Variants in CCDC171 observed in about 807,000 individuals in gnomAD.
The protein encoded by CCDC171 is coiled-coil domain-containing protein 171.
Under a neutral mutation model 168.2 loss-of-function variants are expected in CCDC171, and 177 were observed. The observed-to-expected ratio is 1.05, with a 90% CI of 0.93 to 1.19. The LOEUF (loss-of-function observed/expected upper bound fraction) is 1.19, where lower values mean the gene tolerates loss of function less well. CCDC171 is among the 50% of genes most tolerant of loss of function. The probability of loss-of-function intolerance (pLI) is 0.00; values close to 1 mark genes in which losing one functional copy is unlikely to be tolerated. For missense variants in CCDC171, 1,991 were observed against 1,539.0 expected, an observed-to-expected ratio of 1.29 and a Z score of -4.91; for synonymous variants, 687 against 540.8, an observed-to-expected ratio of 1.27 and a Z score of -3.75.
At chr9:15,717,896 C>G (rs1319092347) in intron 11 of CCDC171, among the ~76,000 whole-genome samples, 1 of 152,178 alleles carries the variant, frequency 6.6e-6, no homozygotes, top group Non-Finnish European at 1.5e-5. Flanking sequence ...AAGTGTGGCC[C>G]AGAACATTCA....
intron 3 of CCDC171, among the ~76,000 whole-genome samples, chr9:16,001,213 G>T (rs547086293): frequency 6.6e-6 from 1 of 152,126 alleles, no homozygotes; most frequent in Non-Finnish European, 1.5e-5. Context: ...ATGCTGCCCA[G>T]TTTCTCAAAG....
At chr9:15,800,106 A>G (rs1020588219) in intron 21 of CCDC171, among the ~76,000 whole-genome samples, 3 of 152,110 alleles carry the variant, frequency 2.0e-5, no homozygotes, top group Admixed American at 6.5e-5. Context: ...CAATATACCA[A>G]TTTCCCTTCT....
intron 3 of CCDC171, among the ~76,000 whole-genome samples, chr9:15,991,122 C>A (rs1319113599): frequency 6.6e-6 from 1 of 152,184 alleles, no homozygotes; most frequent in African/African-American, 2.4e-5. Context: ...ACAGAATATA[C>A]ATTCTTCTCA....
intron 4 of CCDC171, among the ~76,000 whole-genome samples, chr9:15,586,623 G>C (rs2041583502): frequency 2.6e-5 from 4 of 152,104 alleles, no homozygotes; most frequent in African/African-American, 9.7e-5. Context: ...GAGGCAGATA[G>C]GTCCTTAGAT....
intron 18 of CCDC171, among the ~76,000 whole-genome samples, chr9:15,756,120 C>T (rs2056097569): frequency 6.6e-6 from 1 of 152,042 alleles, no homozygotes; most frequent in African/African-American, 2.4e-5. Context: ...GGCTGGCTAG[C>T]TAGAAGGTGG....
chr9:16,015,355 T>C (rs1455957359), intron 3 of CCDC171, among the ~76,000 whole-genome samples: 9 of 152,222 alleles, frequency 5.9e-5, no homozygotes, highest in Non-Finnish European at 1.3e-4. Flanking sequence ...TTGCTCTGGA[T>C]TAGCCTTTGG....
intron 3 of CCDC171, among the ~76,000 whole-genome samples, chr9:16,003,002 C>T (rs955512060): frequency 9.2e-5 from 14 of 152,172 alleles, no homozygotes; most frequent in African/African-American, 3.1e-4. Flanking sequence ...ATGATGACAT[C>T]GCCTCACAAT....
chr9:15,724,901 G>C lies in CCDC171; in HGVS notation c.1617G>C (p.Glu539Asp). 1 of 1,613,980 alleles carries C rather than the reference G, an allele frequency of 6.2e-7. No homozygotes were observed. The change falls in exon 14 of 26, where the codon GAG (glutamate) becomes GAC (aspartate). Residue 539 changes from glutamate (E) to aspartate (D), a missense_variant. Transcript: ENST00000380701. ...VELQNVLHCW[E>D]KEKAQAAQSE... is the part of the protein sequence containing the mutation. ...TACAAAATGTGCTGCACTGTTGGGA[G>C]AAAGAAAAGGCTCAGGCAGCCCAGT...
At chr9:15,827,627 T>C (rs1211747997) in intron 21 of CCDC171, among the ~76,000 whole-genome samples, 1 of 152,218 alleles carries the variant, frequency 6.6e-6, no homozygotes, top group African/African-American at 2.4e-5. Flanking sequence ...TCTTTCCTTA[T>C]AATTATTAAA....
chr9:15,737,869 G>A (rs1399357903), intron 16 of CCDC171, among the ~76,000 whole-genome samples: 1 of 152,114 alleles, frequency 6.6e-6, no homozygotes, highest in African/African-American at 2.4e-5. Flanking sequence ...CTGCCAAACT[G>A]TTTTTGAAAA....
intron 8 of CCDC171, among the ~76,000 whole-genome samples, chr9:15,665,364 A>G (rs577799311): frequency 4.6e-5 from 7 of 152,168 alleles, no homozygotes; most frequent in African/African-American, 1.4e-4. Context: ...TTTGACAATA[A>G]GAAGATCACT....
chr9:15,711,729 G>A (rs926395377), intron 11 of CCDC171, among the ~76,000 whole-genome samples: 1 of 152,208 alleles, frequency 6.6e-6, no homozygotes, highest in Non-Finnish European at 1.5e-5. Context: ...AAGTCGAGGA[G>A]CATATTGAAT....
intron 23 of CCDC171, among the ~76,000 whole-genome samples, chr9:15,873,097 C>T (rs971582956): frequency 1.1e-4 from 16 of 151,970 alleles, no homozygotes; most frequent in African/African-American, 3.4e-4. Context: ...TTGACATTCT[C>T]TTATTGACAG....
chr9:15,621,221 C>G (rs2044477197), intron 6 of CCDC171, among the ~76,000 whole-genome samples: 1 of 152,198 alleles, frequency 6.6e-6, no homozygotes, highest in Non-Finnish European at 1.5e-5. Flanking sequence ...TCTGCCTTGG[C>G]CTCCCAAAGT....
At chr9:16,067,233 T>C in the CCDC171 span, among the ~76,000 whole-genome samples, 32 of 152,166 alleles carry the variant, frequency 2.1e-4, no homozygotes, top group African/African-American at 7.2e-4. Context: ...CATTTTTTCA[T>C]GTGTTTTTTG....
chr9:15,716,871 GT>G (rs1312086376), intron 11 of CCDC171, among the ~76,000 whole-genome samples: 1 of 152,182 alleles, frequency 6.6e-6, no homozygotes, highest in Non-Finnish European at 1.5e-5. Context: ...TGGGGATTAA[GT>G]TTCCAACACG....
In CCDC171 at chr9:15,995,433, C is replaced by G. The variant is rs541081382; in HGVS notation, n.369-25156C>G. 3.9e-5 allele frequency among the ~76,000 whole-genome samples: 6 copies of G among 152,350 alleles called. No individual in the cohort carries two copies. In the South Asian group the frequency reaches 1.2e-3, roughly 32 times the overall value. On this transcript the variant is annotated intron_variant and non_coding_transcript_variant, in intron 3 of 9. Coordinates refer to the CCDC171 transcript ENST00000486641. ...TAATAATGGACTGGTGAGAAATTCA[C>G]TCCTTGAAAACAGCAAGGACACAAG...
the CCDC171 span, among the ~76,000 whole-genome samples, chr9:16,090,908 T>C: frequency 6.6e-6 from 1 of 152,242 alleles, no homozygotes; most frequent in African/African-American, 2.4e-5. Flanking sequence ...GAAGTAATTC[T>C]CGAAAGTTGA....
At position 15,974,028 on chromosome 9, in the gene CCDC171, T is replaced by C. The variant is rs1589288303; in HGVS notation, c.*2192T>C. On this transcript the variant is annotated 3_prime_UTR_variant, in exon 26 of 26. Coordinates refer to ENST00000380701, the MANE Select transcript of CCDC171 (RefSeq NM_173550.4). ...ATAACTCCAAAAATAAATGTGTATG[T>C]GTCTCCATATATATGGGTATCTAAC... 2 of 152,150 alleles carry C rather than the reference T, an allele frequency of 1.3e-5. No individual in the cohort carries two copies. The highest frequency in any genetic ancestry group is 4.1e-4 in the South Asian group (2 of 4,832). The allele number at this position is 152,150 out of a possible 1,614,324, so 9.4% of individuals were successfully genotyped here.
Sources: gnomAD v4.1 joint callset for allele counts (sites outside exome capture counted in the v4.1 genomes callset) on GRCh38, gnomAD v4.1.1 for gene constraint, MANE v1.5 for transcripts, NCBI Gene and HGNC (gene_info 2026-07-23, HGNC 2026-07-21) for gene names.